CDYL: variants seen among roughly 807,000 people sequenced by gnomAD.
The protein encoded by CDYL is chromodomain Y-like protein.
CDYL carries 8 observed loss-of-function variants against 47.3 expected under a neutral mutation model. The ratio of observed to expected loss-of-function variants is 0.17; its 90% confidence interval spans 0.10 to 0.31. The LOEUF (loss-of-function observed/expected upper bound fraction) is 0.31, where lower values mean the gene tolerates loss of function less well. Ranked by LOEUF, CDYL falls within the 10% of genes least tolerant of loss-of-function variation. The probability of loss-of-function intolerance (pLI) is 1.00; values close to 1 mark genes in which losing one functional copy is unlikely to be tolerated. For missense variants in CDYL, 471 were observed against 701.4 expected (o/e 0.67, Z 3.71); for synonymous variants, 266 against 265.0 (o/e 1.00, Z -0.04).
In CDYL at chr6:4,835,267, G is replaced by C. The variant is rs560567890; in HGVS notation, c.25-56446G>C. On this transcript the variant is annotated intron_variant, in intron 1 of 6. Coordinates refer to ENST00000397588, the MANE Select transcript of CDYL (RefSeq NM_004824.4). ...GGTTTTTGGTGTGGATGTCCTTTCT[G>C]TTTGTTAGTTTTCTTTCTAACAGAC... Among the ~76,000 whole-genome samples, 81 of 152,290 alleles carry C rather than the reference G, an allele frequency of 5.3e-4. 1 individual carries two copies. Among genetic ancestry groups the C allele is most frequent in the African/African-American group, 1.9e-3 (79 of 41,558 alleles).
chr6:4,837,965 A>T (rs1760373315), intron 1 of CDYL, among the ~76,000 whole-genome samples: 1 of 148,476 alleles, frequency 6.7e-6, no homozygotes, highest in Admixed American at 6.7e-5. Context: ...TTAAATAGAG[A>T]TGGGGTTTTG....
chr6:4,822,336 A>G (rs1759864169), intron 1 of CDYL, among the ~76,000 whole-genome samples: 3 of 152,074 alleles, frequency 2.0e-5, no homozygotes, highest in Admixed American at 2.0e-4. Context: ...TTAAACGTAA[A>G]TATTATTTTG....
At chr6:4,906,550 T>C (rs1194522001) in intron 2 of CDYL, among the ~76,000 whole-genome samples, 5 of 152,220 alleles carry the variant, frequency 3.3e-5, no homozygotes, top group Non-Finnish European at 5.9e-5. Context: ...GGCATGACAT[T>C]GCGTACAGAG....
chr6:4,820,959 T>C (rs915150960), intron 1 of CDYL, among the ~76,000 whole-genome samples: 65 of 152,370 alleles, frequency 4.3e-4, no homozygotes, highest in African/African-American at 1.5e-3. Context: ...TCTTACATCT[T>C]ACTCAGTTCT....
chr6:4,861,125 G>C (rs808606), intron 1 of CDYL, among the ~76,000 whole-genome samples: 32,176 of 152,216 alleles, frequency 0.21, 5,010 homozygotes, highest in African/African-American at 0.45. Flanking sequence ...AAATATAGAA[G>C]AGTTAAAACA....
intron 1 of CDYL, among the ~76,000 whole-genome samples, chr6:4,837,559 G>T (rs1360776161): frequency 6.6e-6 from 1 of 150,396 alleles, no homozygotes; most frequent in East Asian, 2.0e-4. Context: ...CCACCTCCCG[G>T]GTTCAAGCGA....
chr6:4,815,799 C>T (rs1449218404), intron 1 of CDYL, among the ~76,000 whole-genome samples: 1 of 150,196 alleles, frequency 6.7e-6, no homozygotes, highest in Non-Finnish European at 1.5e-5. Flanking sequence ...GCATTTTCTC[C>T]TAATTTACTG....
rs549126908 is a variant in CDYL, at chr6:4,727,173, T to A, written c.104-7589T>A. Among the ~76,000 whole-genome samples, 15 of 152,256 alleles carry A rather than the reference T, an allele frequency of 9.9e-5. No homozygotes were observed. In the East Asian group the frequency reaches 1.7e-3, roughly 18 times the overall value. On this transcript the variant is annotated intron_variant, in intron 2 of 8. Coordinates refer to the CDYL transcript ENST00000328908. ...AGTAGCTATCTGCCAACACAAGGAA[T>A]GGGGTGAAAGGAATAGGACATTCCA... is the stretch of plus-strand genomic sequence containing the variant.
chr6:4,782,977 T>G (rs1371485994), intron 1 of CDYL, among the ~76,000 whole-genome samples: 1 of 152,238 alleles, frequency 6.6e-6, no homozygotes, highest in Non-Finnish European at 1.5e-5. Context: ...TTAATGGCAC[T>G]TCTGACAATG....
chr6:4,864,946 T>C (rs1472488339), intron 1 of CDYL, among the ~76,000 whole-genome samples: 1 of 152,196 alleles, frequency 6.6e-6, no homozygotes, highest in African/African-American at 2.4e-5. Context: ...AGCAAGAGTG[T>C]TAGAGTGAAC....
At chr6:4,706,701 A>T (rs1757052717) in intron 1 of CDYL, among the ~76,000 whole-genome samples, 1 of 152,132 alleles carries the variant, frequency 6.6e-6, no homozygotes, top group Admixed American at 6.5e-5. Context: ...AGGAATAAGA[A>T]TCGCTTGAAT....
intron 5 of CDYL, among the ~76,000 whole-genome samples, chr6:4,951,821 C>T (rs1758712894): frequency 2.0e-5 from 3 of 152,084 alleles, no homozygotes; most frequent in African/African-American, 4.8e-5. Flanking sequence ...TATAAATTGC[C>T]TAACTTTGCA....
intron 1 of CDYL, among the ~76,000 whole-genome samples, chr6:4,815,941 C>T (rs1213577824): frequency 1.3e-5 from 2 of 149,452 alleles, no homozygotes; most frequent in East Asian, 2.0e-4. Flanking sequence ...TTATAAACAC[C>T]CTCCTATATT....
In CDYL at chr6:4,715,895, G is replaced by T. The variant is rs776354028; in HGVS notation, c.103+14G>T. On this transcript the variant is annotated intron_variant, in intron 2 of 8. Coordinates refer to the CDYL transcript ENST00000328908. ...AGAGAAACAACGGTAAGAACTTGCA[G>T]GAATCAAATTAGTTCTGATGCAGTA... The T allele has an allele frequency of 5.6e-6, 9 of 1,611,550 alleles. No homozygotes were observed. The Admixed American group carries it at 1.5e-4, about 27-fold the overall frequency.
At chr6:4,793,831 G>A (rs75397597) in intron 1 of CDYL, among the ~76,000 whole-genome samples, 2,314 of 152,238 alleles carry the variant, frequency 0.015, 55 homozygotes, top group African/African-American at 0.054. Context: ...AGGAATAGAA[G>A]GGACCTGGAG....
chr6:4,948,586 TGAG>T (rs1316761949), intron 5 of CDYL, among the ~76,000 whole-genome samples: 1 of 152,128 alleles, frequency 6.6e-6, no homozygotes, highest in Non-Finnish European at 1.5e-5. Flanking sequence ...TTGTCACACA[TGAG>T]GAGATGGCCG....
intron 2 of CDYL, among the ~76,000 whole-genome samples, chr6:4,722,484 T>C (rs1757389437): frequency 6.6e-6 from 1 of 152,188 alleles, no homozygotes; most frequent in African/African-American, 2.4e-5. Flanking sequence ...GTTCGTCAAA[T>C]ACCAAGTAAA....
At chr6:4,921,944 G>T (rs1757728795) in intron 2 of CDYL, among the ~76,000 whole-genome samples, 1 of 152,100 alleles carries the variant, frequency 6.6e-6, no homozygotes, top group African/African-American at 2.4e-5. Context: ...GAGGTTTCTT[G>T]TCAGTAACCA....
At chr6:4,858,305 C>A (rs950942857) in intron 1 of CDYL, among the ~76,000 whole-genome samples, 1 of 152,142 alleles carries the variant, frequency 6.6e-6, no homozygotes, top group East Asian at 1.9e-4. Flanking sequence ...ACTAAACCAC[C>A]GTTTGATTTG....
Sources: gnomAD v4.1 joint callset for allele counts (sites outside exome capture counted in the v4.1 genomes callset) on GRCh38, gnomAD v4.1.1 for gene constraint, MANE v1.5 for transcripts, NCBI Gene and HGNC (gene_info 2026-07-23, HGNC 2026-07-21) for gene names.